PROM1: variants seen among roughly 807,000 people sequenced by gnomAD.
The protein encoded by PROM1 is prominin 1.
Under a neutral mutation model 116.9 loss-of-function variants are expected in PROM1, and 105 were observed. That is an observed-to-expected ratio of 0.90 (90% CI 0.77 to 1.06). The LOEUF is 1.06. Among genes scored for constraint, PROM1 ranks in the 50% least tolerant of loss-of-function variants. The probability of loss-of-function intolerance (pLI) is 0.00; values close to 1 mark genes in which losing one functional copy is unlikely to be tolerated. For synonymous variants in PROM1, 393 were observed against 387.0 expected (o/e 1.02, Z -0.18); for missense variants, 1,122 against 1,045.2 (o/e 1.07, Z -1.01).
chr4:16,066,338 C>G (rs1485679483), intron 2 of PROM1, among the ~76,000 whole-genome samples: 2 of 152,072 alleles, frequency 1.3e-5, no homozygotes, highest in Non-Finnish European at 2.9e-5. Flanking sequence ...TAGTATCTAC[C>G]AAGCGCTATT....
intron 2 of PROM1, among the ~76,000 whole-genome samples, chr4:16,039,961 T>C (rs1306418696): frequency 6.6e-6 from 1 of 151,980 alleles, no homozygotes; most frequent in African/African-American, 2.4e-5. Flanking sequence ...GAGGGTGACA[T>C]AGTGATTCGT....
intron 6 of PROM1, among the ~76,000 whole-genome samples, 185 bp downstream of exon 6, chr4:16,025,007 C>G (rs567387045): frequency 6.6e-6 from 1 of 152,252 alleles, no homozygotes; most frequent in East Asian, 1.9e-4. Flanking sequence ...TGAAATTCGG[C>G]TTTTGTACTC....
intron 15 of PROM1, among the ~76,000 whole-genome samples, chr4:15,996,819 T>A (rs920591767): frequency 9.2e-5 from 14 of 152,248 alleles, no homozygotes; most frequent in African/African-American, 3.4e-4. Context: ...TCTGAGAGAA[T>A]AATAAGAACA....
chr4:16,025,401 G>C (rs1024512057), intron 5 of PROM1, 89 bp from the exon 6 acceptor site: 5 of 1,510,396 alleles, frequency 3.3e-6, no homozygotes, highest in Non-Finnish European at 4.5e-6. Context: ...AGGAGTCAGG[G>C]AGGAGCCCGC....
At position 16,075,839 on chromosome 4, in the gene PROM1, G is replaced by A. The variant is rs1330326102; in HGVS notation, c.68C>T (p.Pro23Leu). 6.2e-7 allele frequency: 1 copy of A among 1,613,784 alleles called. No individual in the cohort carries two copies. Among genetic ancestry groups the A allele is most frequent in the East Asian group, 2.2e-5 (1 of 44,868 alleles). Residue 23 changes from proline to leucine, a missense_variant, in exon 2 of 28, where the codon CCT becomes CTT. Physicochemically the swap from Pro to Leu is moderately conservative, Grantham distance 98. Transcript: ENST00000447510. ...LCGNSFSGGQ[P>L]SSTDAPKAWN... ...AGCCTTAGGAGCATCTGTGGATGAA[G>A]GCTGCCCTCCTGAAAAGGAGTTCCC...
chr4:16,053,421 A>G (rs1183250798), intron 2 of PROM1, among the ~76,000 whole-genome samples: 1 of 152,258 alleles, frequency 6.6e-6, no homozygotes, highest in East Asian at 1.9e-4. Context: ...AAAAACCACA[A>G]TGTTTAAGAG....
intron 26 of PROM1, chr4:15,971,563 C>T (rs1365484544): frequency 6.5e-6 from 1 of 154,394 alleles, no homozygotes; most frequent in Non-Finnish European, 1.4e-5. Flanking sequence ...CTGGGTGAAC[C>T]ATCAACAGTA....
intron 2 of PROM1, among the ~76,000 whole-genome samples, chr4:16,052,124 G>T (rs1738022906): frequency 1.3e-5 from 2 of 152,186 alleles, no homozygotes. Flanking sequence ...AGCCAGTGTG[G>T]AGATGAAAAG....
At chr4:16,068,378 T>C (rs796793546) in intron 2 of PROM1, among the ~76,000 whole-genome samples, 4 of 152,230 alleles carry the variant, frequency 2.6e-5, no homozygotes, top group Non-Finnish European at 5.9e-5. Context: ...GAGAGACAGA[T>C]AGCAGCCTAT....
intron 15 of PROM1, among the ~76,000 whole-genome samples, chr4:15,995,776 T>G (rs1722178763): frequency 6.6e-6 from 1 of 152,136 alleles, no homozygotes; most frequent in Non-Finnish European, 1.5e-5. Context: ...AATCCCTCCA[T>G]TCCCACACTG....
At position 16,075,865 on chromosome 4, in the gene PROM1, G is replaced by A. The variant is rs758376095; in HGVS notation, c.42C>T (p.Cys14=). ...GCTGCCCTCCTGAAAAGGAGTTCCC[G>A]CACAGCCCCAGCAGCAACAGGGAGC... ...VLGSLLLLGL[C]GNSFSGGQPS... The change falls in exon 2 of 28, where the codon TGC becomes TGT. Residue 14 remains cysteine, a synonymous_variant. Transcript: ENST00000447510. The A allele has an allele frequency of 1.3e-5, 21 of 1,613,230 alleles. No homozygotes were observed. In the Admixed American group the frequency reaches 1.8e-4, roughly 14 times the overall value.
intron 2 of PROM1, among the ~76,000 whole-genome samples, chr4:16,043,727 G>C (rs959431114): frequency 1.3e-5 from 2 of 152,190 alleles, no homozygotes; most frequent in African/African-American, 4.8e-5. Context: ...AGGGGAGCCT[G>C]CTCTTGAGAG....
At chr4:16,013,418 TACGAGTAGAG>T (rs528346274) in intron 10 of PROM1, 80 bp from the exon 11 acceptor site, 435 of 958,394 alleles carry the variant, frequency 4.5e-4, no homozygotes, top group Non-Finnish European at 7.0e-4. Flanking sequence ...TGCAACTCAG[TACGAGTAGAG>T]AGGCAAAATA....
chr4:16,042,432 T>C (rs1397736608), intron 2 of PROM1, among the ~76,000 whole-genome samples: 1 of 152,144 alleles, frequency 6.6e-6, no homozygotes, highest in East Asian at 1.9e-4. Flanking sequence ...CCATTCAAAG[T>C]GGAAGACAAG....
chr4:16,078,475 G>A lies in PROM1; in HGVS notation c.-212-2357C>T, dbSNP rs112193973. On this transcript the variant is annotated intron_variant, in intron 1 of 27. Transcript: ENST00000447510. Reference sequence around the variant, plus strand: ...CCAGAGCTACAGGGCAAGTGCTGGCGTAGAAGCCAAAATATGTTATTTCCT... The same window carrying A: ...CCAGAGCTACAGGGCAAGTGCTGGCATAGAAGCCAAAATATGTTATTTCCT... 9.3e-3 allele frequency among the ~76,000 whole-genome samples: 1,421 copies of A among 152,344 alleles called. 33 individuals carry two copies. The highest frequency in any genetic ancestry group is 0.032 in the African/African-American group (1,345 of 41,578).
intron 23 of PROM1, among the ~76,000 whole-genome samples, chr4:15,981,728 C>T (rs115365403): frequency 2.1e-3 from 318 of 152,224 alleles, no homozygotes; most frequent in African/African-American, 7.1e-3. Flanking sequence ...CAATGTTTCA[C>T]GTTTAATTTA....
chr4:16,063,335 C>T (rs781668683), intron 2 of PROM1, among the ~76,000 whole-genome samples: 6 of 152,196 alleles, frequency 3.9e-5, no homozygotes, highest in East Asian at 1.9e-4. Flanking sequence ...CAGTGGCTCA[C>T]GACTGTAATC....
At chr4:15,989,944 C>T in intron 18 of PROM1, 120 bp from the exon 19 acceptor site, 1 of 752,462 alleles carries the variant, frequency 1.3e-6, no homozygotes, top group South Asian at 1.7e-5. Flanking sequence ...GCAATGATGG[C>T]TGTGAGTGGG....
At chr4:16,017,207 CAGAT>C (rs1473043565) in intron 9 of PROM1, among the ~76,000 whole-genome samples, 2 of 152,180 alleles carry the variant, frequency 1.3e-5, no homozygotes, top group African/African-American at 2.4e-5. Context: ...TATGAACAGA[CAGAT>C]AAACTGATAA....
Sources: allele counts gnomAD v4.1 joint callset (sites outside exome capture counted in the v4.1 genomes callset), GRCh38; gene constraint gnomAD v4.1.1; transcripts MANE v1.5; gene names NCBI Gene and HGNC (gene_info 2026-07-23, HGNC 2026-07-21).